The following SPTBN4 variants were observed in gnomAD, a reference collection of about 807,000 sequenced individuals.
SPTBN4 encodes the protein spectrin beta chain, non-erythrocytic 4.
Under a neutral mutation model 277.8 loss-of-function variants are expected in SPTBN4, and 96 were observed. The observed-to-expected ratio is 0.35, with a 90% CI of 0.29 to 0.41. The LOEUF (loss-of-function observed/expected upper bound fraction) is 0.41, where lower values mean the gene tolerates loss of function less well. SPTBN4 is among the 10% of genes least tolerant of loss of function. SPTBN4 has a pLI of 1.00. For missense variants in SPTBN4, 3,006 were observed against 3,595.7 expected (o/e 0.84, Z 4.19); for synonymous variants, 1,481 against 1,580.3 (o/e 0.94, Z 1.49).
chr19:40,515,565 C>A lies in SPTBN4; in HGVS notation c.2903+117C>A. On this transcript the variant is annotated intron_variant, in intron 15 of 35. Coordinates refer to ENST00000598249, the MANE Select transcript of SPTBN4 (RefSeq NM_020971.3). The surrounding 1 kb of genome is among the most constrained non-coding windows in gnomAD (Gnocchi z 4.1). ...GAATCATAATGGCCACCCGATAAAT[C>A]AACAAAATGTTGACCAAAAATCATA... is the stretch of plus-strand genomic sequence containing the variant. 1.6e-6 allele frequency: 2 copies of A among 1,231,676 alleles called. No homozygotes were observed. Among genetic ancestry groups the A allele is most frequent in the Admixed American group, 3.7e-5 (1 of 27,360 alleles). 76.3% of individuals were successfully genotyped at this position (1,231,676 alleles called of 1,614,324 possible). A position where few individuals can be genotyped will look rare whatever the true frequency, so the allele number is the denominator to read the frequency against.
chr19:40,532,500 C>G, intron 18 of SPTBN4, 125 bp from the exon 19 acceptor site: 1 of 1,259,640 alleles, frequency 7.9e-7, no homozygotes, highest in Non-Finnish European at 1.1e-6. Flanking sequence ...TTTTTTCATC[C>G]TTTCCTATTC....
rs145069767 is a variant in SPTBN4, at chr19:40,470,883, G to A, written c.-15-1724G>A. ...CCTCACCTCGTGATCCGCCTGCCTC[G>A]GCCTCCCAAAGTGCTGGGATTACAG... On this transcript the variant is annotated intron_variant, in intron 1 of 35. Transcript: ENST00000598249. Among the ~76,000 whole-genome samples the A allele has an allele frequency of 6.0e-3, 894 of 150,112 alleles. 7 individuals are homozygous for A. The highest frequency in any genetic ancestry group is 0.019 in the African/African-American group (773 of 40,796).
chr19:40,549,370 C>A lies in SPTBN4; in HGVS notation c.4541C>A (p.Ser1514Tyr). ...LQERRRLLLA[S>Y]KELHQVAHDL... ...GAGCGCCGCCGCTTGCTGCTGGCTT[C>A]CAAGGAGTTGCACCAGGTGGCGCAC... Residue 1514 changes from serine (S) to tyrosine (Y), a missense_variant, in exon 21 of 36, where the codon TCC becomes TAC. By Grantham distance (144) the Ser-to-Tyr change is moderately radical. Transcript: ENST00000598249. The A allele has an allele frequency of 1.3e-6, 2 of 1,530,600 alleles. No homozygotes were observed. The highest frequency in any genetic ancestry group is 1.7e-6 in the Non-Finnish European group (2 of 1,144,254). 94.8% of individuals were successfully genotyped at this position (1,530,600 alleles called of 1,614,324 possible).
At chr19:40,534,531 C>G in intron 20 of SPTBN4, 188 bp downstream of exon 20, 2 of 721,782 alleles carry the variant, frequency 2.8e-6, no homozygotes, top group Non-Finnish European at 4.5e-6. Context: ...AGCCACCACT[C>G]CCTAAGGTAT....
chr19:40,494,864 T>C, intron 5 of SPTBN4, 33 bp from the exon 6 acceptor site: 1 of 1,603,682 alleles, frequency 6.2e-7, no homozygotes, highest in Non-Finnish European at 8.5e-7. Context: ...ACTCTCCCCA[T>C]CTCTGCCTCT....
rs1599737250 is a variant in SPTBN4 at position 40,502,091 on chromosome 19, T to G, written c.898-37T>G. On this transcript the variant is annotated intron_variant, in intron 8 of 35. Coordinates refer to ENST00000598249, the MANE Select transcript of SPTBN4 (RefSeq NM_020971.3). The surrounding 1 kb of genome is among the most constrained non-coding windows in gnomAD (Gnocchi z 4.9). ...GCTGGAAGCTGGTGGCAGGCACGGGTGGGATGAGGCTGACCCCCCTTCCTC... is the reference window on the plus strand; with the variant it reads ...GCTGGAAGCTGGTGGCAGGCACGGGGGGGATGAGGCTGACCCCCCTTCCTC... The G allele has an allele frequency of 1.9e-6, 3 of 1,613,034 alleles. No individual in the cohort carries two copies. Among genetic ancestry groups the G allele is most frequent in the Non-Finnish European group, 1.7e-6 (2 of 1,179,734 alleles).
chr19:40,538,382 CTCTG>C (rs1453653807), intron 20 of SPTBN4, among the ~76,000 whole-genome samples: 1 of 148,976 alleles, frequency 6.7e-6, no homozygotes, highest in Non-Finnish European at 1.5e-5. Context: ...CAGAGTGAGA[CTCTG>C]TCTCAAAAAA....
At chr19:40,508,626 T>G (rs1402863165) in intron 13 of SPTBN4, among the ~76,000 whole-genome samples, 3 of 152,262 alleles carry the variant, frequency 2.0e-5, no homozygotes, top group Non-Finnish European at 4.4e-5. Flanking sequence ...AGGCGGAGGT[T>G]GCAGTGAGCC....
chr19:40,566,280 T>G lies in SPTBN4; in HGVS notation c.6257T>G (p.Leu2086Arg). ...LGSSVDEVEQ[L>R]IRRHEAFRKA... Reference sequence around the variant, plus strand: ...AGCAGCGTGGATGAGGTGGAGCAGCTTATCCGGCGACATGAGGCCTTCCGC... The same window carrying G: ...AGCAGCGTGGATGAGGTGGAGCAGCGTATCCGGCGACATGAGGCCTTCCGC... Residue 2086 changes from leucine to arginine, a missense_variant, in exon 30 of 36, where the codon CTT becomes CGT. Leu to Arg is a moderately radical substitution (Grantham distance 102, BLOSUM62 -2). Transcript: ENST00000598249. 6.3e-7 allele frequency: 1 copy of G among 1,589,322 alleles called. No homozygotes were observed. Among genetic ancestry groups the G allele is most frequent in the Non-Finnish European group, 8.6e-7 (1 of 1,167,912 alleles).
At chr19:40,497,315 A>C in intron 6 of SPTBN4, 174 bp from the exon 7 acceptor site, 1 of 601,722 alleles carries the variant, frequency 1.7e-6, no homozygotes, top group Non-Finnish European at 3.0e-6. Flanking sequence ...GCCCGCGTCC[A>C]TCACACTCAC....
rs749068938 is a variant in SPTBN4, at chr19:40,472,642, A to G, written c.21A>G (p.Glu7=). The G allele has an allele frequency of 6.2e-7, 1 of 1,613,514 alleles. No individual in the cohort carries two copies. Among genetic ancestry groups the G allele is most frequent in the East Asian group, 2.2e-5 (1 of 44,884 alleles). The change falls in exon 2 of 36, where the codon GAA becomes GAG. Residue 7 remains glutamate, a synonymous_variant. Transcript: ENST00000598249. ...CCCCGATGGCGCAGGTACCAGGGGA[A>G]GTGGACAACATGGAGGGCCTGCCTG... MAQVPG[E]VDNMEGLPAP... is the part of the protein sequence containing the mutation.
chr19:40,569,936 CCACACACACACACA>C (rs60074818), intron 32 of SPTBN4, among the ~76,000 whole-genome samples: 26 of 131,572 alleles, frequency 2.0e-4, no homozygotes, highest in Middle Eastern at 7.5e-3. Context: ...TACTGCCCCT[CCACACACACACACA>C]CACACACACA....
intron 1 of SPTBN4, among the ~76,000 whole-genome samples, chr19:40,469,369 A>C (rs1047724303): frequency 6.6e-6 from 1 of 152,026 alleles, no homozygotes; most frequent in African/African-American, 2.4e-5. Flanking sequence ...GTTTCAAGCA[A>C]TTCTCCTGCC....
At chr19:40,569,936 C>CCACACACACACACACACACACACA (rs60074818) in intron 32 of SPTBN4, among the ~76,000 whole-genome samples, 14 of 131,466 alleles carry the variant, frequency 1.1e-4, no homozygotes, top group Non-Finnish European at 1.1e-4. Flanking sequence ...TACTGCCCCT[C>CCACACACACACACACACACACACA]CACACACACA....
intron 26 of SPTBN4, among the ~76,000 whole-genome samples, 159 bp downstream of exon 26, chr19:40,557,562 G>C (rs1281319940): frequency 6.6e-6 from 1 of 152,244 alleles, no homozygotes; most frequent in East Asian, 1.9e-4. Flanking sequence ...GGAGCAGATA[G>C]AAAATGGACT....
At chr19:40,574,388 T>A (rs1239013532) in intron 35 of SPTBN4, among the ~76,000 whole-genome samples, 1 of 148,690 alleles carries the variant, frequency 6.7e-6, no homozygotes, top group African/African-American at 2.5e-5. Context: ...TGAGACAGAG[T>A]TTCTCTCTTG....
chr19:40,550,415 A>T, intron 22 of SPTBN4, 88 bp downstream of exon 22: 4 of 1,225,966 alleles, frequency 3.3e-6, no homozygotes, highest in Non-Finnish European at 4.7e-6. Flanking sequence ...AAAACAATGA[A>T]TGTATTGGCT....
At position 40,501,435 on chromosome 19, in the gene SPTBN4, G is replaced by A. The variant is rs371456135; in HGVS notation, c.785-486G>A. On this transcript the variant is annotated intron_variant, in intron 7 of 35. Coordinates refer to ENST00000598249, the MANE Select transcript of SPTBN4 (RefSeq NM_020971.3). The stretch of plus-strand genomic sequence containing the variant: ...TGTAATCCCAGCACTTTGGGAGGCC[G>A]AGGTGGGCGGATCACCTGAGGTCAG... Among the ~76,000 whole-genome samples, 16 of 152,116 alleles carry A rather than the reference G, an allele frequency of 1.1e-4. 1 individual carries two copies. In the East Asian group the frequency reaches 1.7e-3, roughly 17 times the overall value.
rs912157623 is a variant in SPTBN4, at chr19:40,512,981, C to T, written c.2192C>T (p.Ala731Val). 3 of 1,412,904 alleles carry T rather than the reference C, an allele frequency of 2.1e-6. No homozygotes were observed. Among genetic ancestry groups the T allele is most frequent in the Admixed American group, 6.8e-5 (2 of 29,500 alleles). The allele number at this position is 1,412,904 out of a possible 1,614,324, so 87.5% of individuals were successfully genotyped here. Residue 731 changes from alanine to valine, a missense_variant, in exon 14 of 36, where the codon GCC (alanine) becomes GTC (valine). Coordinates refer to ENST00000598249, the MANE Select transcript of SPTBN4 (RefSeq NM_020971.3). ...CGEELVAAGG[A>V]VGPGADTVHL... ...GAGGAGCTGGTTGCGGCCGGCGGTGCCGTCGGCCCGGGAGCAGACACCGTG... is the reference window on the plus strand; with the variant it reads ...GAGGAGCTGGTTGCGGCCGGCGGTGTCGTCGGCCCGGGAGCAGACACCGTG...
Sources: allele counts gnomAD v4.1 joint callset (sites outside exome capture counted in the v4.1 genomes callset), GRCh38; gene constraint gnomAD v4.1.1; non-coding constraint Gnocchi (gnomAD v3.1); transcripts MANE v1.5; gene names NCBI Gene and HGNC (gene_info 2026-07-23, HGNC 2026-07-21).